The following NRXN1 variants were observed in gnomAD, a reference collection of about 807,000 sequenced individuals.
The protein encoded by NRXN1 is neurexin-1.
NRXN1 carries 39 observed loss-of-function variants against 150.9 expected under a neutral mutation model. The ratio of observed to expected loss-of-function variants is 0.26; its 90% CI spans 0.20 to 0.34. NRXN1 has a LOEUF of 0.34. Ranked by LOEUF, NRXN1 falls within the 10% of genes least tolerant of loss-of-function variation. The pLI, the probability that NRXN1 is intolerant of heterozygous loss-of-function variation, is 1.00. For synonymous variants in NRXN1, 924 were observed against 757.0 expected (o/e 1.22, Z -3.62); for missense variants, 1,815 against 1,949.9 (o/e 0.93, Z 1.30).
chr2:50,834,775 C>A (rs1671877794), intron 5 of NRXN1, among the ~76,000 whole-genome samples: 1 of 152,038 alleles, frequency 6.6e-6, no homozygotes, highest in Non-Finnish European at 1.5e-5. Flanking sequence ...GGGCCCAACC[C>A]AGGTCTGAGT....
Position 50,210,434 on chromosome 2 carries a change from T to C in NRXN1, c.3546+26355A>G, listed in dbSNP as rs550064732. On this transcript the variant is annotated intron_variant, in intron 18 of 22. Coordinates refer to ENST00000401669, the MANE Select transcript of NRXN1 (RefSeq NM_001330078.2). Reference sequence around the variant, plus strand: ...ATTTAATTGCACCCACATTCACAGGTATTAATTAGAAGTGTTTTATGAGTC... The same window carrying C: ...ATTTAATTGCACCCACATTCACAGGCATTAATTAGAAGTGTTTTATGAGTC... Among the ~76,000 whole-genome samples, 32 of 151,916 alleles carry C rather than the reference T, an allele frequency of 2.1e-4. No homozygotes were observed. The South Asian group carries it at 6.0e-3, about 29-fold the overall frequency.
intron 19 of NRXN1, among the ~76,000 whole-genome samples, chr2:50,072,459 T>A (rs553332514): frequency 1.3e-4 from 20 of 151,916 alleles, no homozygotes; most frequent in Non-Finnish European, 2.4e-4. Context: ...AACTCTAAAA[T>A]TCTAAGTACC....
At chr2:50,583,287 T>C (rs745764522) in intron 8 of NRXN1, among the ~76,000 whole-genome samples, 30 of 152,190 alleles carry the variant, frequency 2.0e-4, no homozygotes, top group Non-Finnish European at 4.3e-4. Flanking sequence ...AGAGATCCTC[T>C]TGCCTCAGCC....
At chr2:50,745,757 G>A (rs1461615890) in intron 5 of NRXN1, among the ~76,000 whole-genome samples, 1 of 152,070 alleles carries the variant, frequency 6.6e-6, no homozygotes, top group Non-Finnish European at 1.5e-5. Flanking sequence ...GAAGCCCCTT[G>A]TAAAATCATC....
chr2:50,119,840 A>G (rs1703618720), intron 18 of NRXN1, among the ~76,000 whole-genome samples: 1 of 152,142 alleles, frequency 6.6e-6, no homozygotes, highest in African/African-American at 2.4e-5. Flanking sequence ...TTTTGCTCTT[A>G]ATTTTTTTTC....
At chr2:50,827,992 C>T (rs1442880972) in intron 5 of NRXN1, among the ~76,000 whole-genome samples, 1 of 144,422 alleles carries the variant, frequency 6.9e-6, no homozygotes, top group Non-Finnish European at 1.6e-5. Context: ...TGAAAAGTCT[C>T]CCACGTCTAC....
At chr2:50,447,104 A>G (rs551082058) in intron 17 of NRXN1, among the ~76,000 whole-genome samples, 2 of 152,270 alleles carry the variant, frequency 1.3e-5, no homozygotes, top group East Asian at 3.9e-4. Context: ...ATCAGATTGC[A>G]TTCTGATACT....
chr2:50,269,463 A>G (rs190448903), intron 17 of NRXN1, among the ~76,000 whole-genome samples: 457 of 152,326 alleles, frequency 3.0e-3, no homozygotes, highest in African/African-American at 0.01. Context: ...TTCCTTTTCA[A>G]AATACTTACA....
rs1325953148 is a variant in NRXN1, at chr2:50,156,432, T to C, written c.3547-64938A>G. ...TTGGGTAATCATTGTTTGACTTTTCTTACTTTATTTTTTGTCCACCTATAA... is the reference window on the plus strand; with the variant it reads ...TTGGGTAATCATTGTTTGACTTTTCCTACTTTATTTTTTGTCCACCTATAA... On this transcript the variant is annotated intron_variant, in intron 18 of 22. Transcript: ENST00000401669. 2.6e-5 allele frequency among the ~76,000 whole-genome samples: 4 copies of C among 152,038 alleles called. No homozygotes were observed. The East Asian group carries it at 7.7e-4, about 29-fold the overall frequency.
chr2:50,826,452 T>G (rs927004293), intron 5 of NRXN1, among the ~76,000 whole-genome samples: 1 of 152,170 alleles, frequency 6.6e-6, no homozygotes, highest in African/African-American at 2.4e-5. Flanking sequence ...ATTTAGACAT[T>G]AGATGAAAAG....
chr2:50,973,626 C>G (rs1479442856), intron 2 of NRXN1, among the ~76,000 whole-genome samples: 1 of 151,934 alleles, frequency 6.6e-6, no homozygotes, highest in Non-Finnish European at 1.5e-5. Context: ...AGAATTGACA[C>G]TCAAGCGACA....
intron 8 of NRXN1, among the ~76,000 whole-genome samples, chr2:50,610,843 A>T (rs952291718): frequency 4.7e-4 from 69 of 148,292 alleles, no homozygotes; most frequent in African/African-American, 1.7e-3. Flanking sequence ...TCCACGCTGG[A>T]GTGTAATTGC....
intron 2 of NRXN1, among the ~76,000 whole-genome samples, chr2:50,970,309 A>T (rs1253965187): frequency 6.6e-6 from 1 of 151,958 alleles, no homozygotes; most frequent in Non-Finnish European, 1.5e-5. Context: ...TCAGAGAAAA[A>T]CTTTAGCTTC....
chr2:50,542,560 T>G (rs908305714), intron 9 of NRXN1, among the ~76,000 whole-genome samples: 1 of 152,198 alleles, frequency 6.6e-6, no homozygotes, highest in Non-Finnish European at 1.5e-5. Flanking sequence ...TCGTATGAAC[T>G]TGTATTTTAG....
intron 5 of NRXN1, among the ~76,000 whole-genome samples, chr2:50,814,436 GA>G (rs10708029): frequency 0.094 from 14,256 of 152,096 alleles, 773 homozygotes; most frequent in Admixed American, 0.13. Context: ...CATAAACCAA[GA>G]GTCATTGCTT....
chr2:49,973,331 T>A (rs1325417071), intron 21 of NRXN1, among the ~76,000 whole-genome samples: 3 of 152,202 alleles, frequency 2.0e-5, no homozygotes. Context: ...AAGTAAATGT[T>A]ACTCATATCT....
rs780093261 is a variant in NRXN1, at chr2:51,027,696, T to C, written c.578A>G (p.Gln193Arg). The C allele has an allele frequency of 6.2e-7, 1 of 1,605,832 alleles. No homozygotes were observed. Residue 193 changes from glutamine (Q) to arginine (R), a missense_variant, in exon 2 of 23, where the codon CAG becomes CGG. Coordinates refer to ENST00000401669, the MANE Select transcript of NRXN1 (RefSeq NM_001330078.2). ...CTCGCCGCTGTCCACGGGCAGGACCTGCGAGGAGTTGACCCTCACGTCACG... is the reference window on the plus strand; with the variant it reads ...CTCGCCGCTGTCCACGGGCAGGACCCGCGAGGAGTTGACCCTCACGTCACG... The part of the protein sequence containing the change: ...WIRDVRVNSS[Q>R]VLPVDSGEVK...
intron 2 of NRXN1, among the ~76,000 whole-genome samples, chr2:50,932,025 C>A (rs1314343527): frequency 6.6e-6 from 1 of 151,914 alleles, no homozygotes; most frequent in Non-Finnish European, 1.5e-5. Flanking sequence ...CCATGCTCTG[C>A]TAATTTTTGC....
intron 17 of NRXN1, among the ~76,000 whole-genome samples, chr2:50,463,232 G>A (rs1368092451): frequency 6.6e-6 from 1 of 151,840 alleles, no homozygotes; most frequent in Non-Finnish European, 1.5e-5. Flanking sequence ...AGTGAGGAAA[G>A]TGTTGCATGC....
Sources: allele counts gnomAD v4.1 joint callset (sites outside exome capture counted in the v4.1 genomes callset), GRCh38; gene constraint gnomAD v4.1.1; transcripts MANE v1.5; gene names NCBI Gene and HGNC (gene_info 2026-07-23, HGNC 2026-07-21).